The following ME3 variants were observed in gnomAD, a reference collection of about 807,000 sequenced individuals.
ME3 encodes NADP-dependent malic enzyme, mitochondrial.
A neutral mutation model predicts 68.9 loss-of-function variants in ME3; 48 were observed. The ratio of observed to expected loss-of-function variants is 0.70; its 90% CI spans 0.55 to 0.89. The LOEUF (loss-of-function observed/expected upper bound fraction) is 0.89, where lower values mean the gene tolerates loss of function less well. Ranked by LOEUF, ME3 falls within the 40% of genes least tolerant of loss-of-function variation. ME3 has a pLI of 0.00. For missense variants in ME3, 675 were observed against 797.4 expected, an observed-to-expected ratio of 0.85 and a Z score of 1.85; for synonymous variants, 320 against 318.8, an observed-to-expected ratio of 1.00 and a Z score of -0.04.
chr11:86,490,182 T>C lies in ME3; in HGVS notation c.706-2742A>G, dbSNP rs558290741. Among the ~76,000 whole-genome samples, 57 of 152,312 alleles carry C rather than the reference T, an allele frequency of 3.7e-4. 2 individuals are homozygous for C. In the Middle Eastern group the frequency reaches 0.034, roughly 91 times the overall value. On this transcript the variant is annotated intron_variant, in intron 6 of 14. Transcript: ENST00000543262. ...AAGGGACAGAAAAGAACAGGAATTA[T>C]CTGTTAACCCTTCACCCCAAGGCCT... is the stretch of plus-strand genomic sequence containing the variant.
intron 2 of ME3, among the ~76,000 whole-genome samples, chr11:86,612,279 G>A (rs1308760950): frequency 1.3e-5 from 2 of 152,144 alleles, no homozygotes; most frequent in African/African-American, 4.8e-5. Context: ...TCCATAGTGT[G>A]TATGTACCAC....
intron 7 of ME3, among the ~76,000 whole-genome samples, chr11:86,484,973 A>G (rs1037718819): frequency 1.3e-5 from 2 of 152,212 alleles, no homozygotes; most frequent in South Asian, 4.1e-4. Flanking sequence ...GTGGGAAGGC[A>G]GCTTAAAGAA....
At chr11:86,633,060 G>GA (rs1252905919) in intron 2 of ME3, among the ~76,000 whole-genome samples, 4 of 152,124 alleles carry the variant, frequency 2.6e-5, no homozygotes, top group African/African-American at 9.7e-5. Flanking sequence ...CTGTGAGTCC[G>GA]ATATGCATGT....
At chr11:86,556,505 C>G (rs780046112) in intron 4 of ME3, 48 bp downstream of exon 4, 2 of 1,583,194 alleles carry the variant, frequency 1.3e-6, no homozygotes, top group South Asian at 2.3e-5. Flanking sequence ...AATTTATTCC[C>G]CTCTATGAGG....
rs538296712 is a variant in ME3, at chr11:86,606,349, T to G, written c.184-46526A>C. On this transcript the variant is annotated intron_variant, in intron 2 of 14. Transcript: ENST00000543262. Reference sequence around the variant, plus strand: ...GTGCTGAGCTGCAGTTGGGGAAATATCTCAGGGACGTGCCTCATCAGGGTA... The same window carrying G: ...GTGCTGAGCTGCAGTTGGGGAAATAGCTCAGGGACGTGCCTCATCAGGGTA... Among the ~76,000 whole-genome samples the G allele has an allele frequency of 2.0e-5, 3 of 151,814 alleles. No individual in the cohort carries two copies. In the South Asian group the frequency reaches 6.3e-4, roughly 32 times the overall value.
At chr11:86,560,188 A>C (rs539014180) in intron 2 of ME3, among the ~76,000 whole-genome samples, 1 of 152,196 alleles carries the variant, frequency 6.6e-6, no homozygotes, top group African/African-American at 2.4e-5. Context: ...GTGTTGAGGG[A>C]GGGCCCTGGT....
At chr11:86,661,651 TTC>T (rs1342358566) in intron 2 of ME3, among the ~76,000 whole-genome samples, 2 of 152,182 alleles carry the variant, frequency 1.3e-5, no homozygotes, top group African/African-American at 4.8e-5. Context: ...CCTCTGACAC[TTC>T]CACAGGTGTC....
intron 8 of ME3, chr11:86,457,552 A>G (rs1184363255): frequency 2.2e-5 from 26 of 1,161,498 alleles, no homozygotes; most frequent in Non-Finnish European, 2.7e-5. Flanking sequence ...GCTCCAAATT[A>G]CAAAATTTGG....
At chr11:86,475,874 T>TATATATATATATATATAGAGAGAGAG in intron 7 of ME3, among the ~76,000 whole-genome samples, 12 of 91,464 alleles carry the variant, frequency 1.3e-4, no homozygotes, top group African/African-American at 3.5e-4. Flanking sequence ...TATATATATA[T>TATATATATATATATATAGAGAGAGAG]AGAGAGAGAG....
intron 4 of ME3, among the ~76,000 whole-genome samples, chr11:86,546,347 CA>C (rs1430434482): frequency 6.6e-6 from 1 of 152,092 alleles, no homozygotes; most frequent in Non-Finnish European, 1.5e-5. Flanking sequence ...TTCTGCACAG[CA>C]AAAGAAACTG....
intron 2 of ME3, among the ~76,000 whole-genome samples, chr11:86,631,688 G>A (rs1944025980): frequency 6.6e-6 from 1 of 152,116 alleles, no homozygotes; most frequent in Non-Finnish European, 1.5e-5. Flanking sequence ...AATAATAACA[G>A]GCATGGCACA....
chr11:86,457,712 C>G (rs1290021029), intron 8 of ME3: 29 of 1,288,298 alleles, frequency 2.3e-5, no homozygotes, highest in Non-Finnish European at 2.9e-5. Context: ...TGGAACATGA[C>G]TTGTGCCCAT....
intron 4 of ME3, among the ~76,000 whole-genome samples, chr11:86,513,649 A>G (rs979479694): frequency 3.9e-5 from 6 of 152,160 alleles, no homozygotes; most frequent in African/African-American, 1.4e-4. Flanking sequence ...TGGGGTCCCT[A>G]ATAGTTTTCT....
At chr11:86,603,294 G>C (rs1339866705) in intron 2 of ME3, among the ~76,000 whole-genome samples, 1 of 152,082 alleles carries the variant, frequency 6.6e-6, no homozygotes. Context: ...CAAAGGATAT[G>C]AACAGACACT....
chr11:86,615,820 G>T (rs779606663), intron 2 of ME3, among the ~76,000 whole-genome samples: 1 of 152,082 alleles, frequency 6.6e-6, no homozygotes, highest in Non-Finnish European at 1.5e-5. Context: ...TGCTCTCAAG[G>T]ATTTTCTTGC....
At chr11:86,452,549 C>T (rs1009393383) in intron 8 of ME3, among the ~76,000 whole-genome samples, 3 of 152,238 alleles carry the variant, frequency 2.0e-5, no homozygotes, top group African/African-American at 7.2e-5. Context: ...ATCCCAGCCA[C>T]CTGAGGTCCT....
intron 2 of ME3, among the ~76,000 whole-genome samples, chr11:86,663,380 C>A (rs570523007): frequency 1.3e-5 from 2 of 152,290 alleles, no homozygotes; most frequent in Admixed American, 6.5e-5. Flanking sequence ...GGCTGCATGG[C>A]AACCTTTCAG....
At chr11:86,636,092 T>C (rs74558077) in intron 2 of ME3, among the ~76,000 whole-genome samples, 10,794 of 151,990 alleles carry the variant, frequency 0.071, 403 homozygotes, top group Non-Finnish European at 0.088. Context: ...GAAACCTGGG[T>C]GCTATGGAAG....
chr11:86,559,605 G>A lies in ME3; in HGVS notation c.317+85C>T, dbSNP rs149185147. The A allele has an allele frequency of 1.2e-5, 18 of 1,459,844 alleles. No homozygotes were observed. The African/African-American group carries it at 2.4e-4, about 19-fold the overall frequency. The allele number at this position is 1,459,844 out of a possible 1,614,324, so 90.4% of individuals were successfully genotyped here. A position where few individuals can be genotyped will look rare whatever the true frequency, so the allele number is the denominator to read the frequency against. On this transcript the variant is annotated intron_variant, in intron 3 of 14. Transcript: ENST00000543262. ...GCTCTCAGCCTTTTTTAGCTGGAGA[G>A]TTTCCAGAAAACCCTCTGTGAAGCA...
Sources: allele counts gnomAD v4.1 joint callset (sites outside exome capture counted in the v4.1 genomes callset), GRCh38; gene constraint gnomAD v4.1.1; transcripts MANE v1.5; gene names NCBI Gene and HGNC (gene_info 2026-07-23, HGNC 2026-07-21).